The following NOP9 variants were observed in gnomAD, a reference collection of about 807,000 sequenced individuals.
NOP9 encodes the protein NOP9 nucleolar protein, also known as nucleolar protein 9.
A neutral mutation model predicts 63.0 loss-of-function variants in NOP9; 50 were observed. That is an observed-to-expected ratio of 0.79 (90% CI 0.63 to 1.00). The LOEUF (loss-of-function observed/expected upper bound fraction) is 1.00. Ranked by LOEUF, NOP9 falls within the 50% of genes least tolerant of loss-of-function variation. The pLI is 0.00. For missense variants in NOP9, 758 were observed against 803.0 expected (o/e 0.94, Z 0.68); for synonymous variants, 343 against 332.8 (o/e 1.03, Z -0.33).
intron 5 of NOP9, among the ~76,000 whole-genome samples, chr14:24,302,827 T>C (rs2041401054): frequency 6.6e-6 from 1 of 152,156 alleles, no homozygotes; most frequent in Non-Finnish European, 1.5e-5. Flanking sequence ...TTAATTTTAG[T>C]CTCCCCTTGC....
chr14:24,294,609 AC>A, the NOP9 span: 1 of 152,104 alleles, frequency 6.6e-6, no homozygotes, highest in East Asian at 1.9e-4. Context: ...AACAACAACA[AC>A]AACAACAACA....
chr14:24,297,434 G>T (rs906945420), upstream of NOP9, among the ~76,000 whole-genome samples: 1 of 152,168 alleles, frequency 6.6e-6, no homozygotes, highest in African/African-American at 2.4e-5. Flanking sequence ...CAACTTCAGA[G>T]GAAGAAGAGT....
chr14:24,297,763 C>G (rs1426048392), upstream of NOP9, among the ~76,000 whole-genome samples: 4 of 152,192 alleles, frequency 2.6e-5, no homozygotes, highest in Non-Finnish European at 5.9e-5. Context: ...TCTACTCTTT[C>G]ACACAGCGTC....
In NOP9 at chr14:24,303,740, C is replaced by T. The variant is rs765230403; in HGVS notation, c.1293C>T (p.His431=). 20 of 1,613,932 alleles carry T rather than the reference C, an allele frequency of 1.2e-5. No homozygotes were observed. The African/African-American group carries it at 2.4e-4, about 19-fold the overall frequency. The change falls in exon 7 of 10, where the codon CAC becomes CAT. Residue 431 remains histidine, a synonymous_variant. Transcript: ENST00000267425. Reference sequence around the variant, plus strand: ...TCTGTCTTCTCCTTTAGGCATTCCACTGTGCAGAGCCCTCATCCCGGCAAG... The same window carrying T: ...TCTGTCTTCTCCTTTAGGCATTCCATTGTGCAGAGCCCTCATCCCGGCAAG... ...KVLQLLLEAF[H]CAEPSSRQVA... is the part of the protein sequence containing the mutation.
rs773769220 is a variant in NOP9, at chr14:24,305,021, C to T, written c.1837C>T (p.Arg613Ter). The T allele has an allele frequency of 3.1e-6, 5 of 1,606,734 alleles. No individual in the cohort carries two copies. The highest frequency in any genetic ancestry group is 1.7e-5 in the Admixed American group (1 of 58,490). ...NVALTTFLKR[R>*]EAWEQQQGAV... ...GGCCTTGACTACCTTCCTAAAGCGG[C>T]GAGAGGCTTGGGAACAGCAGCAGGG... Residue 613 changes from arginine to a stop codon, truncating the protein, a stop_gained, in exon 10 of 10, where the codon CGA (arginine) becomes TGA (stop). Transcript: ENST00000267425. LOFTEE classifies it high-confidence loss of function.
upstream of NOP9, chr14:24,298,885 G>C: frequency 6.7e-7 from 1 of 1,488,024 alleles, no homozygotes; most frequent in Non-Finnish European, 9.1e-7. Flanking sequence ...TAAGGGATTA[G>C]GAAAGGAGCT....
At chr14:24,290,838 C>T in the NOP9 span, 147 of 1,612,984 alleles carry the variant, frequency 9.1e-5, no homozygotes, top group African/African-American at 4.0e-5. Flanking sequence ...CAAGCAGAGA[C>T]GTAGTGTCAG....
In NOP9 at chr14:24,301,614, GC is replaced by G; in HGVS notation, c.701del (p.Ala234AspfsTer21). On this transcript the variant is annotated frameshift_variant, in exon 3 of 10. Coordinates refer to ENST00000267425, the MANE Select transcript of NOP9 (RefSeq NM_174913.3). LOFTEE classifies it high-confidence loss of function. ...ACATGTTCTTAATCTTCCTTCAGAA[GC>G]ACAGAAGACCCCAGCTCAGGAATGT... Reference protein sequence around the residue: ...ARPRGSQSSEAQKTPAQECKP... With the variant: ...ARPRGSQSSEXQKTPAQECKP... The G allele has an allele frequency of 6.2e-7, 1 of 1,614,166 alleles. No homozygotes were observed. Among genetic ancestry groups the G allele is most frequent in the African/African-American group, 1.3e-5 (1 of 75,058 alleles).
upstream of NOP9, chr14:24,299,756 C>A: frequency 1.6e-6 from 1 of 607,072 alleles, no homozygotes; most frequent in Non-Finnish European, 2.7e-6. Flanking sequence ...AAAGTTAGAA[C>A]CTGCGGATGG....
chr14:24,289,953 A>G, the NOP9 span, among the ~76,000 whole-genome samples: 1 of 152,246 alleles, frequency 6.6e-6, no homozygotes, highest in Non-Finnish European at 1.5e-5. Flanking sequence ...TTGAATAAGT[A>G]AAATGATTTA....
the NOP9 span, among the ~76,000 whole-genome samples, chr14:24,279,326 A>G: frequency 6.6e-6 from 1 of 152,226 alleles, no homozygotes; most frequent in Non-Finnish European, 1.5e-5. Flanking sequence ...GAATGCTTGC[A>G]TTCTTTCTCT....
the NOP9 span, chr14:24,292,774 A>C: frequency 3.1e-6 from 5 of 1,612,414 alleles, no homozygotes. Context: ...ACTGAGCAAA[A>C]GTAGTGGCCT....
the NOP9 span, among the ~76,000 whole-genome samples, chr14:24,278,735 G>A: frequency 6.6e-6 from 1 of 152,312 alleles, no homozygotes; most frequent in Non-Finnish European, 1.5e-5. Flanking sequence ...ATGACTTTGG[G>A]ATGCACTAAG....
intron 2 of NOP9, 121 bp downstream of exon 2, chr14:24,300,978 C>A: frequency 1.2e-6 from 1 of 811,150 alleles, no homozygotes; most frequent in Non-Finnish European, 1.9e-6. Context: ...ATTAGCTTGA[C>A]CTGTCCTAAT....
At chr14:24,292,074 C>T in the NOP9 span, 2 of 1,372,740 alleles carry the variant, frequency 1.5e-6, no homozygotes, top group Non-Finnish European at 2.1e-6. Flanking sequence ...ATGCTCAGCC[C>T]TGCACCTGCC....
At chr14:24,271,650 G>C in the NOP9 span, 1 of 152,860 alleles carries the variant, frequency 6.5e-6, no homozygotes, top group South Asian at 2.1e-4. Context: ...GCGCGTGCGC[G>C]GGGGCTCTGC....
At chr14:24,300,345 C>A (rs2041347510) in intron 1 of NOP9, 63 bp from the exon 2 acceptor site, 20 of 1,562,574 alleles carry the variant, frequency 1.3e-5, no homozygotes, top group Non-Finnish European at 1.7e-5. Flanking sequence ...CTTGGTTAAG[C>A]GAGGGTACAT....
intron 2 of NOP9, among the ~76,000 whole-genome samples, chr14:24,301,222 T>G (rs2041371463): frequency 6.6e-6 from 1 of 152,228 alleles, no homozygotes; most frequent in African/African-American, 2.4e-5. Flanking sequence ...TTTTTTCCTT[T>G]TCAAAACTAT....
Position 24,306,492 on chromosome 14 carries a change from A to G in NOP9, c.*1397A>G. On this transcript the variant is annotated 3_prime_UTR_variant, in exon 10 of 10. Transcript: ENST00000267425. ...TCCATCCTCCTCTAGCACCAGGGTT[A>G]GCACTCCATTCAGCAGTAGGGTCTC... The G allele has an allele frequency of 6.2e-7, 1 of 1,614,246 alleles. No homozygotes were observed. Among genetic ancestry groups the G allele is most frequent in the Non-Finnish European group, 8.5e-7 (1 of 1,180,028 alleles).
Sources: gnomAD v4.1 joint callset for allele counts (sites outside exome capture counted in the v4.1 genomes callset) on GRCh38, gnomAD v4.1.1 for gene constraint, MANE v1.5 for transcripts, NCBI Gene and HGNC (gene_info 2026-07-23, HGNC 2026-07-21) for gene names.